Variants in RBM18 observed in about 807,000 individuals in gnomAD.
The protein encoded by RBM18 is RNA binding motif protein 18, also known as probable RNA-binding protein 18.
Under a neutral mutation model 26.4 loss-of-function variants are expected in RBM18, and 18 were observed. That is an observed-to-expected ratio of 0.68 (90% CI 0.47 to 1.01). RBM18 has a LOEUF of 1.01. Among genes scored for constraint, RBM18 ranks in the 50% least tolerant of loss-of-function variants. The pLI is 0.00. For synonymous variants in RBM18, 74 were observed against 81.1 expected, an observed-to-expected ratio of 0.91 and a Z score of 0.47; for missense variants, 180 against 219.2, an observed-to-expected ratio of 0.82 and a Z score of 1.13.
intron 1 of RBM18, 133 bp downstream of exon 1, chr9:122,264,582 A>C (rs16911576): frequency 1.3e-5 from 2 of 152,084 alleles, no homozygotes; most frequent in Admixed American, 6.5e-5. Context: ...CATTACTCGG[A>C]TTGTTATTTC....
chr9:122,247,649 A>T lies in RBM18; in HGVS notation c.241-45T>A, dbSNP rs532186672. ...ATGTTAGTTAAAAACTGAAATGCTT[A>T]ACTAGCTATATGTATTCTCACAGGG... On this transcript the variant is annotated intron_variant, in intron 3 of 5. Transcript: ENST00000417201. 144 of 1,438,458 alleles carry T rather than the reference A, an allele frequency of 1.0e-4. 1 individual carries two copies. In the South Asian group the frequency reaches 1.5e-3, roughly 15 times the overall value. The allele number at this position is 1,438,458 out of a possible 1,614,324, so 89.1% of individuals were successfully genotyped here. A position where few individuals can be genotyped will look rare whatever the true frequency, so the allele number is the denominator to read the frequency against.
intron 2 of RBM18, among the ~76,000 whole-genome samples, chr9:122,260,632 C>T (rs1022479546): frequency 7.2e-5 from 11 of 152,136 alleles, no homozygotes; most frequent in Admixed American, 5.9e-4. Flanking sequence ...GATAAAAAAG[C>T]TGGGTCCCAT....
rs542365811 is a variant in RBM18 at position 122,238,287 on chromosome 9, T to C, written c.*3597A>G. 12 of 152,362 alleles carry C rather than the reference T, an allele frequency of 7.9e-5. No individual in the cohort carries two copies. Among genetic ancestry groups the C allele is most frequent in the African/African-American group, 2.9e-4 (12 of 41,582 alleles). The allele number at this position is 152,362 out of a possible 1,614,324, so 9.4% of individuals were successfully genotyped here. A position where few individuals can be genotyped will look rare whatever the true frequency, so the allele number is the denominator to read the frequency against. ...CTGAGGGTATAGCAGTGATATACAG[T>C]TCCTGCTTACATGAAACTTACATTC... On this transcript the variant is annotated 3_prime_UTR_variant, in exon 6 of 6. Transcript: ENST00000417201.
intron 3 of RBM18, among the ~76,000 whole-genome samples, chr9:122,248,113 A>G (rs1260176880): frequency 6.6e-6 from 1 of 152,166 alleles, no homozygotes; most frequent in African/African-American, 2.4e-5. Context: ...AAGTCAGACA[A>G]AAATTCAAAT....
At chr9:122,255,187 T>A (rs942664645) in intron 2 of RBM18, among the ~76,000 whole-genome samples, 11 of 152,228 alleles carry the variant, frequency 7.2e-5, no homozygotes, top group Non-Finnish European at 1.5e-4. Flanking sequence ...TAGAAATTAC[T>A]ATGAGATGGG....
intron 3 of RBM18, among the ~76,000 whole-genome samples, chr9:122,247,843 G>A (rs528599977): frequency 6.8e-6 from 1 of 146,384 alleles, no homozygotes; most frequent in East Asian, 2.1e-4. Context: ...GGAGTGCAGT[G>A]GTGCAATACC....
At chr9:122,245,109 C>G (rs1171606311) in intron 5 of RBM18, 147 bp downstream of exon 5, 7 of 609,604 alleles carry the variant, frequency 1.1e-5, no homozygotes, top group Non-Finnish European at 2.0e-5. Context: ...GAAATGTATA[C>G]ATTCTGGAGA....
intron 5 of RBM18, among the ~76,000 whole-genome samples, 153 bp downstream of exon 5, chr9:122,245,103 T>C (rs1301025637): frequency 2.6e-5 from 4 of 152,164 alleles, no homozygotes; most frequent in African/African-American, 4.8e-5. Context: ...GGAGAGGAAA[T>C]GTATACATTC....
In RBM18 at chr9:122,237,832, C is replaced by T. The variant is rs1236239143; in HGVS notation, c.*4052G>A. On this transcript the variant is annotated 3_prime_UTR_variant, in exon 6 of 6. Coordinates refer to ENST00000417201, the MANE Select transcript of RBM18 (RefSeq NM_033117.4). ...TCTTCTATTATATGGGGAAAACAGC[C>T]ACATGTAAATGCCTGGGCATGGTTG... is the stretch of plus-strand genomic sequence containing the variant. 6.6e-6 allele frequency: 1 copy of T among 152,160 alleles called. No homozygotes were observed. Among genetic ancestry groups the T allele is most frequent in the Non-Finnish European group, 1.5e-5 (1 of 68,038 alleles). The allele number at this position is 152,160 out of a possible 1,614,324, so 9.4% of individuals were successfully genotyped here.
At chr9:122,252,538 A>G (rs1369080217) in intron 2 of RBM18, among the ~76,000 whole-genome samples, 2 of 152,248 alleles carry the variant, frequency 1.3e-5, no homozygotes, top group Non-Finnish European at 2.9e-5. Context: ...CCATTAATCA[A>G]ACCACAGCTA....
Position 122,241,754 on chromosome 9 carries a change from T to C in RBM18, c.*130A>G. 4.0e-6 allele frequency: 3 copies of C among 747,694 alleles called. No homozygotes were observed. Among genetic ancestry groups the C allele is most frequent in the Non-Finnish European group, 6.5e-6 (3 of 458,982 alleles). The allele number at this position is 747,694 out of a possible 1,614,324, so 46.3% of individuals were successfully genotyped here. A position where few individuals can be genotyped will look rare whatever the true frequency, so the allele number is the denominator to read the frequency against. ...ACATCCATAAGAACATCCAAAAACA[T>C]TATGTTACCAAATGCTAACATGTGA... On this transcript the variant is annotated 3_prime_UTR_variant, in exon 6 of 6. Coordinates refer to ENST00000417201, the MANE Select transcript of RBM18 (RefSeq NM_033117.4).
chr9:122,245,129 C>T, intron 5 of RBM18, 127 bp downstream of exon 5: 2 of 651,696 alleles, frequency 3.1e-6, no homozygotes. Context: ...ACTAACTGAA[C>T]ATCTCTCTTG....
At chr9:122,245,197 A>T (rs1354500310) in intron 5 of RBM18, 59 bp downstream of exon 5, 6 of 961,720 alleles carry the variant, frequency 6.2e-6, no homozygotes, top group Non-Finnish European at 1.0e-5. Flanking sequence ...GAAGACATGG[A>T]ATAATGAAAT....
At chr9:122,261,257 C>A in intron 2 of RBM18, 123 bp downstream of exon 2, 1 of 677,636 alleles carries the variant, frequency 1.5e-6, no homozygotes, top group East Asian at 2.6e-5. Flanking sequence ...CTTATCTCTC[C>A]GAAGACACGA....
At chr9:122,248,257 G>A (rs1054772029) in intron 3 of RBM18, among the ~76,000 whole-genome samples, 1 of 152,204 alleles carries the variant, frequency 6.6e-6, no homozygotes, top group Admixed American at 6.5e-5. Flanking sequence ...CTCAGTGGTT[G>A]TGAGGACTCA....
At chr9:122,247,077 T>C (rs1235381443) in intron 4 of RBM18, among the ~76,000 whole-genome samples, 2 of 152,142 alleles carry the variant, frequency 1.3e-5, no homozygotes, top group East Asian at 3.9e-4. Context: ...AGTAAGGAGA[T>C]GCCAGTGCTT....
At position 122,240,712 on chromosome 9, in the gene RBM18, T is replaced by C. The variant is rs1054882311; in HGVS notation, c.*1172A>G. 1.3e-5 allele frequency: 2 copies of C among 152,234 alleles called. No individual in the cohort carries two copies. The highest frequency in any genetic ancestry group is 2.4e-5 in the African/African-American group (1 of 41,464). 9.4% of individuals were successfully genotyped at this position (152,234 alleles called of 1,614,324 possible). ...CTGTTGGTTGACTTATCTTTCTCTA[T>C]TGTTATATTCAGGATGCTTAGAGTG... On this transcript the variant is annotated 3_prime_UTR_variant, in exon 6 of 6. Coordinates refer to ENST00000417201, the MANE Select transcript of RBM18 (RefSeq NM_033117.4).
chr9:122,248,696 C>T (rs1359732494), intron 3 of RBM18, among the ~76,000 whole-genome samples: 2 of 152,216 alleles, frequency 1.3e-5, no homozygotes, highest in African/African-American at 4.8e-5. Context: ...CTGTACTTTC[C>T]ATCCTGCCAA....
chr9:122,251,737 G>C, intron 3 of RBM18, 110 bp downstream of exon 3: 1 of 938,740 alleles, frequency 1.1e-6, no homozygotes, highest in Non-Finnish European at 1.6e-6. Context: ...AGATGAATCA[G>C]ACATGGCTCC....
Sources: gnomAD v4.1 joint callset for allele counts (sites outside exome capture counted in the v4.1 genomes callset) on GRCh38, gnomAD v4.1.1 for gene constraint, MANE v1.5 for transcripts, NCBI Gene and HGNC (gene_info 2026-07-23, HGNC 2026-07-21) for gene names.